CLIC6: variants seen among roughly 807,000 people sequenced by gnomAD.
CLIC6 encodes the protein chloride intracellular channel protein 6.
In CLIC6, 39 loss-of-function variants were observed where a neutral mutation model predicts 49.2. The observed-to-expected ratio is 0.79, with a 90% confidence interval of 0.61 to 1.04. The LOEUF (loss-of-function observed/expected upper bound fraction) is 1.04. CLIC6 is among the 50% of genes least tolerant of loss of function. The pLI is 0.00. For synonymous variants in CLIC6, 446 were observed against 433.4 expected (o/e 1.03, Z -0.36); for missense variants, 988 against 993.1 (o/e 0.99, Z 0.07).
chr21:34,690,936 G>T (rs1285187524), intron 1 of CLIC6, among the ~76,000 whole-genome samples: 16 of 151,754 alleles, frequency 1.1e-4, no homozygotes, highest in Non-Finnish European at 2.4e-4. Context: ...GGCCAGTCAG[G>T]CTGGTGTTTC....
chr21:34,679,608 G>A (rs777958697), intron 1 of CLIC6, among the ~76,000 whole-genome samples: 1 of 152,204 alleles, frequency 6.6e-6, no homozygotes, highest in Non-Finnish European at 1.5e-5. Flanking sequence ...CTATGAGCCT[G>A]TAAAGTCAAA....
At chr21:34,710,982 A>C (rs953039898) in intron 5 of CLIC6, among the ~76,000 whole-genome samples, 87 of 152,326 alleles carry the variant, frequency 5.7e-4, no homozygotes, top group East Asian at 7.7e-4. Flanking sequence ...TCAGCACAGC[A>C]GCGCTCCCAG....
intron 4 of CLIC6, among the ~76,000 whole-genome samples, chr21:34,709,118 G>C (rs569021927): frequency 6.6e-6 from 1 of 152,332 alleles, no homozygotes; most frequent in East Asian, 1.9e-4. Flanking sequence ...CTTTCCATAA[G>C]TATTTTTGAA....
intron 1 of CLIC6, among the ~76,000 whole-genome samples, 165 bp downstream of exon 1, chr21:34,670,927 A>G (rs1299113858): frequency 6.6e-6 from 1 of 151,732 alleles, no homozygotes; most frequent in Non-Finnish European, 1.5e-5. Context: ...GATTTCCCGG[A>G]GAAGAGTTTC....
chr21:34,675,204 A>G (rs894811020), intron 1 of CLIC6, among the ~76,000 whole-genome samples: 1 of 150,836 alleles, frequency 6.6e-6, no homozygotes, highest in African/African-American at 2.4e-5. Context: ...CAAGAAGGAC[A>G]TGGCCTTTGA....
chr21:34,683,180 T>C (rs977091423), intron 1 of CLIC6, among the ~76,000 whole-genome samples: 1 of 152,132 alleles, frequency 6.6e-6, no homozygotes, highest in Admixed American at 6.5e-5. Flanking sequence ...TGAAACTCCA[T>C]GTGGCATGGT....
chr21:34,697,972 A>G (rs1436405836), intron 1 of CLIC6, among the ~76,000 whole-genome samples: 1 of 151,990 alleles, frequency 6.6e-6, no homozygotes, highest in Non-Finnish European at 1.5e-5. Flanking sequence ...CTGTGAGGAC[A>G]GGGTTTCGCT....
intron 5 of CLIC6, among the ~76,000 whole-genome samples, chr21:34,711,649 T>C (rs1429019254): frequency 6.6e-6 from 1 of 152,148 alleles, no homozygotes; most frequent in Admixed American, 6.5e-5. Flanking sequence ...TCTGCTTCAT[T>C]CTTTTGCCTT....
chr21:34,701,962 C>A (rs186796034), intron 1 of CLIC6, among the ~76,000 whole-genome samples: 3 of 152,102 alleles, frequency 2.0e-5, no homozygotes, highest in Admixed American at 2.0e-4. Context: ...ATGTGACTCT[C>A]GGTGGGTGAT....
At chr21:34,676,127 C>A (rs1989666744) in intron 1 of CLIC6, among the ~76,000 whole-genome samples, 2 of 152,308 alleles carry the variant, frequency 1.3e-5, no homozygotes, top group Non-Finnish European at 1.5e-5. Flanking sequence ...GTCGGGCCGA[C>A]TCAGATATCC....
At chr21:34,683,703 C>A (rs980552644) in intron 1 of CLIC6, among the ~76,000 whole-genome samples, 1 of 152,174 alleles carries the variant, frequency 6.6e-6, no homozygotes, top group African/African-American at 2.4e-5. Flanking sequence ...AAGTGTGGCA[C>A]TCTCCCCTAT....
rs370453517 is a variant in CLIC6, at chr21:34,670,364, C to T, written c.976C>T (p.Leu326Phe). The change falls in exon 1 of 6, where the codon CTC becomes TTC. Residue 326 changes from leucine to phenylalanine, a missense_variant. By Grantham distance (22) the Leu-to-Phe change is conservative. Around this residue, in one of 3 missense-constraint regions of CLIC6, gnomAD observed 647 missense variants for 596.9 expected, o/e 1.08. Transcript: ENST00000349499. ...GAGTGCGGGGCGCAGCCCCGGTGAG[C>T]TCGCCTGGGACGCAGCGGAGGAGGC... ...GESAGRSPGE[L>F]AWDAAEEAEV... 1.2e-3 allele frequency: 1,690 copies of T among 1,451,258 alleles called. 30 individuals are homozygous for T. The South Asian group carries it at 0.023, about 20-fold the overall frequency. 89.9% of individuals were successfully genotyped at this position (1,451,258 alleles called of 1,614,324 possible). A position where few individuals can be genotyped will look rare whatever the true frequency, so the allele number is the denominator to read the frequency against.
rs569386986 is a variant in CLIC6 at position 34,699,720 on chromosome 21, C to G, written c.1375-7560C>G. ...ATACTAGAGGTTCGTTGCCTCATGC[C>G]AAGGAAATCAAGGACACAGATACAC... is the stretch of plus-strand genomic sequence containing the variant. On this transcript the variant is annotated intron_variant, in intron 1 of 5. Transcript: ENST00000349499. Among the ~76,000 whole-genome samples, 4 of 152,162 alleles carry G rather than the reference C, an allele frequency of 2.6e-5. No individual in the cohort carries two copies. The South Asian group carries it at 8.3e-4, about 32-fold the overall frequency.
Position 34,682,801 on chromosome 21 carries a change from A to ATTTT in CLIC6, c.1374+12064_1374+12067dup, listed in dbSNP as rs1172251761. On this transcript the variant is annotated intron_variant, in intron 1 of 5. Transcript: ENST00000349499. ...TTTCCAGTCCTACCCCTTTCCCTCC[A>ATTTT]TTTTTTTTTTTTTTTTTTTTTTTTT... Among the ~76,000 whole-genome samples the ATTTT allele has an allele frequency of 1.7e-3, 119 of 69,314 alleles. 11 individuals carry two copies. The highest frequency in any genetic ancestry group is 2.4e-3 in the African/African-American group (37 of 15,378). 45.5% of individuals were successfully genotyped at this position (69,314 alleles called of 152,430 possible).
At chr21:34,704,555 G>C (rs916558302) in intron 1 of CLIC6, among the ~76,000 whole-genome samples, 3 of 152,146 alleles carry the variant, frequency 2.0e-5, no homozygotes, top group African/African-American at 7.2e-5. Flanking sequence ...GGCCACAAAG[G>C]GGGAAATGTA....
chr21:34,716,504 A>G lies in CLIC6; in HGVS notation c.*22A>G. On this transcript the variant is annotated 3_prime_UTR_variant, in exon 6 of 6. Transcript: ENST00000349499. Reference sequence around the variant, plus strand: ...ATGAAGCTGGGCTGTTTTCTGTCTTATTTCTCAGTTGAGTGAGCAAGGATA... The same window carrying G: ...ATGAAGCTGGGCTGTTTTCTGTCTTGTTTCTCAGTTGAGTGAGCAAGGATA... 6.3e-7 allele frequency: 1 copy of G among 1,592,946 alleles called. No homozygotes were observed. Among genetic ancestry groups the G allele is most frequent in the Non-Finnish European group, 8.6e-7 (1 of 1,168,458 alleles).
chr21:34,670,701 A>T lies in CLIC6; in HGVS notation c.1313A>T (p.Asp438Val), dbSNP rs761995671. Residue 438 changes from aspartate (D) to valine (V), a missense_variant, in exon 1 of 6, where the codon GAC (aspartate) becomes GTC (valine). Asp to Val is a radical substitution (Grantham distance 152). Transcript: ENST00000349499. ...EAARVNGRRE[D>V]GEASEPRALG... ...GCGCGCGTGAACGGCCGCCGGGAGG[A>T]CGGAGAGGCGTCCGAGCCCCGGGCC... 6.3e-7 allele frequency: 1 copy of T among 1,590,684 alleles called. No individual in the cohort carries two copies. The highest frequency in any genetic ancestry group is 8.5e-7 in the Non-Finnish European group (1 of 1,172,684).
Position 34,669,810 on chromosome 21 carries a change from C to A in CLIC6, c.422C>A (p.Ala141Glu). The A allele has an allele frequency of 7.0e-7, 1 of 1,419,718 alleles. No homozygotes were observed. Among genetic ancestry groups the A allele is most frequent in the South Asian group, 1.5e-5 (1 of 68,048 alleles). 87.9% of individuals were successfully genotyped at this position (1,419,718 alleles called of 1,614,324 possible). A position where few individuals can be genotyped will look rare whatever the true frequency, so the allele number is the denominator to read the frequency against. Residue 141 changes from alanine (A) to glutamate (E), a missense_variant, in exon 1 of 6, where the codon GCG (alanine) becomes GAG (glutamate). Around this residue, in one of 3 missense-constraint regions of CLIC6, gnomAD observed 284 missense variants for 278.6 expected, o/e 1.02. Transcript: ENST00000349499. ...DSAAPERQEE[A>E]EQRPEVPEGS... is the part of the protein sequence containing the mutation. ...GCGGCCCCCGAGAGGCAGGAGGAGG[C>A]GGAGCAGAGGCCTGAGGTCCCGGAA...
chr21:34,710,314 A>T (rs1190845510), intron 5 of CLIC6, among the ~76,000 whole-genome samples: 1 of 152,106 alleles, frequency 6.6e-6, no homozygotes, highest in African/African-American at 2.4e-5. Flanking sequence ...TATTTATTTT[A>T]AAAAAACATT....
Sources: gnomAD v4.1 joint callset for allele counts (sites outside exome capture counted in the v4.1 genomes callset) on GRCh38, gnomAD v4.1.1 for gene constraint, gnomAD v4.1.1 regional missense constraint, MANE v1.5 for transcripts, NCBI Gene and HGNC (gene_info 2026-07-23, HGNC 2026-07-21) for gene names.